Variants in AFAP1L2 observed in about 807,000 individuals in gnomAD.
AFAP1L2 encodes actin filament-associated protein 1-like 2.
A neutral mutation model predicts 99.3 loss-of-function variants in AFAP1L2; 46 were observed. That is an observed-to-expected ratio of 0.46 (90% CI 0.37 to 0.59). The LOEUF is 0.59. AFAP1L2 is among the 20% of genes least tolerant of loss of function. AFAP1L2 has a pLI of 0.00. For missense variants in AFAP1L2, 959 were observed against 1,034.9 expected, an observed-to-expected ratio of 0.93 and a Z score of 1.01; for synonymous variants, 397 against 419.1, an observed-to-expected ratio of 0.95 and a Z score of 0.64.
At chr10:114,328,965 C>G (rs1422213100) in intron 4 of AFAP1L2, among the ~76,000 whole-genome samples, 1 of 152,208 alleles carries the variant, frequency 6.6e-6, no homozygotes, top group Non-Finnish European at 1.5e-5. Context: ...ACACCCGTCT[C>G]TGGTCCTTCA....
chr10:114,319,396 G>A (rs1230765531), intron 5 of AFAP1L2, among the ~76,000 whole-genome samples: 1 of 151,926 alleles, frequency 6.6e-6, no homozygotes, highest in Non-Finnish European at 1.5e-5. Flanking sequence ...GCTGTGGAAA[G>A]CCAAGTAGGT....
the AFAP1L2 span, chr10:114,289,186 G>C: frequency 6.2e-7 from 1 of 1,613,666 alleles, no homozygotes; most frequent in Non-Finnish European, 8.5e-7. Flanking sequence ...CCTAGGTGGG[G>C]TGGGCTCAGC....
intron 1 of AFAP1L2, among the ~76,000 whole-genome samples, chr10:114,366,307 A>T (rs1483986936): frequency 2.0e-5 from 3 of 152,190 alleles, no homozygotes; most frequent in Admixed American, 2.0e-4. Context: ...TTCTGGGAAG[A>T]GGAATTCCAC....
intron 1 of AFAP1L2, among the ~76,000 whole-genome samples, chr10:114,354,463 C>A (rs528808599): frequency 1.3e-5 from 2 of 152,278 alleles, no homozygotes; most frequent in South Asian, 4.1e-4. Context: ...ATCATTTGGT[C>A]TATTTTTCTC....
chr10:114,294,595 C>T (rs553189820), downstream of AFAP1L2, among the ~76,000 whole-genome samples: 2 of 152,202 alleles, frequency 1.3e-5, no homozygotes, highest in South Asian at 4.1e-4. Context: ...ACTGATTTTT[C>T]ATTCACTTAT....
Position 114,318,739 on chromosome 10 carries a change from T to TAAAAAAAAA in AFAP1L2, c.407-2975_407-2974insTTTTTTTTT, listed in dbSNP as rs1354030131. On this transcript the variant is annotated intron_variant, in intron 5 of 18. Transcript: ENST00000304129. ...CCTGGCGGCAGGGTGAGACTCTGTC[T>TAAAAAAAAA]AAAAAAAAGAAAAAAAAAAGAACAA... Among the ~76,000 whole-genome samples, 12 of 91,070 alleles carry TAAAAAAAAA rather than the reference T, an allele frequency of 1.3e-4. No individual in the cohort carries two copies. The South Asian group carries it at 1.6e-3, about 12-fold the overall frequency. The allele number at this position is 91,070 out of a possible 152,430, so 59.7% of individuals were successfully genotyped here.
rs754996134 is a variant in AFAP1L2, at chr10:114,296,097, A to AC, written c.2431-30dup. 119 of 1,613,766 alleles carry AC rather than the reference A, an allele frequency of 7.4e-5. No homozygotes were observed. In the Middle Eastern group the frequency reaches 8.2e-4, roughly 11 times the overall value. Reference sequence around the variant, plus strand: ...GGGTACCATTCAAATACCAGCACCCACCCCCCACCAAAAAGATAGTTAGTT... The same window carrying AC: ...GGGTACCATTCAAATACCAGCACCCACCCCCCCACCAAAAAGATAGTTAGTT... On this transcript the variant is annotated intron_variant, in intron 18 of 18. Transcript: ENST00000304129.
intron 1 of AFAP1L2, among the ~76,000 whole-genome samples, chr10:114,391,656 C>T (rs1345510745): frequency 2.6e-5 from 4 of 152,174 alleles, no homozygotes; most frequent in Admixed American, 6.5e-5. Context: ...ACAATGACCA[C>T]GGCCATGAGG....
At position 114,333,308 on chromosome 10, in the gene AFAP1L2, G is replaced by A; in HGVS notation, c.146-13C>T. The stretch of plus-strand genomic sequence containing the variant: ...TCCTCATCAGAGCCTGCAGAAGGAA[G>A]GAGACACAGGCTTTGTGTGACTTCC... On this transcript the variant is annotated splice_polypyrimidine_tract_variant and intron_variant, in intron 2 of 18. Transcript: ENST00000304129. 2.5e-6 allele frequency: 4 copies of A among 1,610,134 alleles called. No homozygotes were observed. Among genetic ancestry groups the A allele is most frequent in the Non-Finnish European group, 3.4e-6 (4 of 1,176,464 alleles).
At chr10:114,384,306 A>G (rs1486501624) in intron 1 of AFAP1L2, among the ~76,000 whole-genome samples, 1 of 151,622 alleles carries the variant, frequency 6.6e-6, no homozygotes, top group Non-Finnish European at 1.5e-5. Flanking sequence ...TGCTTCATCA[A>G]TGGCATCTTG....
At chr10:114,312,228 G>C (rs1364885751) in intron 7 of AFAP1L2, among the ~76,000 whole-genome samples, 3 of 150,846 alleles carry the variant, frequency 2.0e-5, no homozygotes, top group Admixed American at 6.6e-5. Context: ...CTGGGGGCAA[G>C]AGCAGAGTGT....
chr10:114,340,409 G>T (rs542614043), intron 2 of AFAP1L2, among the ~76,000 whole-genome samples, 194 bp downstream of exon 2: 2 of 152,250 alleles, frequency 1.3e-5, no homozygotes, highest in East Asian at 1.9e-4. Context: ...CCATCAGCCC[G>T]CCAGGGAGAG....
At chr10:114,288,675 C>T in the AFAP1L2 span, among the ~76,000 whole-genome samples, 76 of 152,310 alleles carry the variant, frequency 5.0e-4, no homozygotes, top group East Asian at 7.7e-4. Context: ...AAATTGATCA[C>T]GTCCGTCAGA....
intron 1 of AFAP1L2, among the ~76,000 whole-genome samples, chr10:114,366,060 T>C (rs2053199466): frequency 6.6e-6 from 1 of 152,128 alleles, no homozygotes; most frequent in South Asian, 2.1e-4. Context: ...TAGATGCTCA[T>C]CACGTACTTG....
the AFAP1L2 span, chr10:114,284,761 C>G: frequency 4.6e-6 from 5 of 1,097,632 alleles, no homozygotes; most frequent in African/African-American, 6.5e-5. Flanking sequence ...AGGGGCTGGG[C>G]CACTGCTAGA....
intron 1 of AFAP1L2, among the ~76,000 whole-genome samples, chr10:114,376,061 T>G (rs1565031203): frequency 1.3e-5 from 2 of 152,132 alleles, no homozygotes; most frequent in African/African-American, 2.4e-5. Flanking sequence ...AATATAAAAA[T>G]TTTAAATGGA....
chr10:114,321,005 T>C (rs758211), intron 5 of AFAP1L2, among the ~76,000 whole-genome samples: 113,312 of 151,776 alleles, frequency 0.75, 43,911 homozygotes, highest in East Asian at 0.93. Context: ...AGACTCAGCC[T>C]AAACAGGCGC....
rs1010690709 is a variant in AFAP1L2, at chr10:114,333,875, T to C, written c.146-580A>G. On this transcript the variant is annotated intron_variant, in intron 2 of 18. Coordinates refer to ENST00000304129, the MANE Select transcript of AFAP1L2 (RefSeq NM_001001936.3). ...AAGATCTGCCTTGTATTCCACCAAG[T>C]AGAGATGTCTCTGGGCTTCCTAGCA... is the stretch of plus-strand genomic sequence containing the variant. Among the ~76,000 whole-genome samples the C allele has an allele frequency of 3.3e-5, 5 of 152,294 alleles. No individual in the cohort carries two copies. The South Asian group carries it at 6.2e-4, about 19-fold the overall frequency.
chr10:114,290,013 C>A, downstream of AFAP1L2: 38 of 353,830 alleles, frequency 1.1e-4, no homozygotes, highest in East Asian at 1.6e-4. Flanking sequence ...AAAAAAAAGT[C>A]TGCCATGTGT....
Sources: allele counts gnomAD v4.1 joint callset (sites outside exome capture counted in the v4.1 genomes callset), GRCh38; gene constraint gnomAD v4.1.1; transcripts MANE v1.5; gene names NCBI Gene and HGNC (gene_info 2026-07-23, HGNC 2026-07-21).